DRD2: variants seen among roughly 807,000 people sequenced by gnomAD.
The protein encoded by DRD2 is dopamine receptor D2.
A neutral mutation model predicts 38.0 loss-of-function variants in DRD2; 8 were observed. That is an observed-to-expected ratio of 0.21 (90% CI 0.12 to 0.38). The LOEUF is 0.38. Ranked by LOEUF, DRD2 falls within the 10% of genes least tolerant of loss-of-function variation. The pLI is 1.00. For synonymous variants in DRD2, 230 were observed against 238.6 expected, an observed-to-expected ratio of 0.96 and a Z score of 0.33; for missense variants, 403 against 607.7, an observed-to-expected ratio of 0.66 and a Z score of 3.54.
At chr11:113,416,812 A>G in intron 4 of DRD2, 51 bp downstream of exon 4, 1 of 1,604,574 alleles carries the variant, frequency 6.2e-7, no homozygotes. Context: ...CCTTCGAGGG[A>G]GCAGGGGCCC....
intron 1 of DRD2, among the ~76,000 whole-genome samples, chr11:113,457,175 G>A (rs992079818): frequency 1.1e-4 from 17 of 152,126 alleles, no homozygotes; most frequent in South Asian, 2.1e-4. Flanking sequence ...TGACTGTGCC[G>A]CTTCCCTAGA....
chr11:113,473,127 T>G (rs1351540965), intron 1 of DRD2, among the ~76,000 whole-genome samples: 1 of 152,218 alleles, frequency 6.6e-6, no homozygotes, highest in African/African-American at 2.4e-5. Context: ...CCAAGGTACA[T>G]GATTCTTTTA....
In DRD2 at chr11:113,414,381, C is replaced by T; in HGVS notation, c.804G>A (p.Arg268=). 1 of 1,614,150 alleles carries T rather than the reference C, an allele frequency of 6.2e-7. No homozygotes were observed. The highest frequency in any genetic ancestry group is 1.3e-5 in the African/African-American group (1 of 75,044). ...CCCTGGCCTGAGCACTTACCACTCTCCGCCTGTTCACTGGGAAACTCCCAT... is the reference window on the plus strand; with the variant it reads ...CCCTGGCCTGAGCACTTACCACTCTTCGCCTGTTCACTGGGAAACTCCCAT... ...KSNGSFPVNR[R]RVEAARRAQE... The change falls in exon 6 of 8, where the codon CGG becomes CGA. Residue 268 remains arginine, a synonymous_variant. Transcript: ENST00000362072.
intron 1 of DRD2, among the ~76,000 whole-genome samples, chr11:113,448,762 G>A (rs987450112): frequency 2.6e-5 from 4 of 152,190 alleles, no homozygotes; most frequent in Non-Finnish European, 5.9e-5. Context: ...TTGGTAAGGA[G>A]CTGGGTAGCT....
At chr11:113,448,213 G>A (rs768757520) in intron 1 of DRD2, among the ~76,000 whole-genome samples, 1 of 152,152 alleles carries the variant, frequency 6.6e-6, no homozygotes, top group African/African-American at 2.4e-5. Context: ...TTCTTTTCCT[G>A]TCCTGATGAG....
At chr11:113,444,399 G>A (rs561013984) in intron 1 of DRD2, among the ~76,000 whole-genome samples, 1 of 152,304 alleles carries the variant, frequency 6.6e-6, no homozygotes, top group South Asian at 2.1e-4. Context: ...GAATGTACAT[G>A]AATGCCCTAA....
chr11:113,452,962 T>G (rs1951230976), intron 1 of DRD2, among the ~76,000 whole-genome samples: 1 of 152,102 alleles, frequency 6.6e-6, no homozygotes, highest in South Asian at 2.1e-4. Flanking sequence ...ACTATCCCTT[T>G]TTGCCTATAG....
intron 1 of DRD2, among the ~76,000 whole-genome samples, chr11:113,427,823 A>G (rs1950953786): frequency 6.6e-6 from 1 of 152,178 alleles, no homozygotes; most frequent in Admixed American, 6.5e-5. Flanking sequence ...GTACCTCAGA[A>G]TGTGACTGTA....
chr11:113,434,421 G>A (rs1951017291), intron 1 of DRD2, among the ~76,000 whole-genome samples: 1 of 152,216 alleles, frequency 6.6e-6, no homozygotes, highest in Admixed American at 6.5e-5. Context: ...GATCCTTCGT[G>A]AAGGGTACAA....
rs146981961 is a variant in DRD2 at position 113,428,004 on chromosome 11, A to T, written c.-31-3322T>A. Among the ~76,000 whole-genome samples the T allele has an allele frequency of 4.1e-3, 623 of 152,310 alleles. 2 individuals carry two copies. The highest frequency in any genetic ancestry group is 0.014 in the African/African-American group (576 of 41,564). ...GTGGGAATGCAGCAAGAAGGCGGCC[A>T]TCTGCTAGCCATGGAGAGAGGCCTT... On this transcript the variant is annotated intron_variant, in intron 1 of 7. Coordinates refer to ENST00000362072, the MANE Select transcript of DRD2 (RefSeq NM_000795.4).
intron 1 of DRD2, among the ~76,000 whole-genome samples, chr11:113,444,638 G>A (rs1951126703): frequency 6.6e-6 from 1 of 152,170 alleles, no homozygotes; most frequent in African/African-American, 2.4e-5. Context: ...CACTCCATGG[G>A]CCATCTATAA....
chr11:113,454,794 A>G (rs1364529417), intron 1 of DRD2, among the ~76,000 whole-genome samples: 1 of 152,250 alleles, frequency 6.6e-6, no homozygotes, highest in Non-Finnish European at 1.5e-5. Flanking sequence ...AGGAAATCCT[A>G]ATGGAATCAG....
At chr11:113,433,771 G>T (rs1425730090) in intron 1 of DRD2, among the ~76,000 whole-genome samples, 1 of 152,168 alleles carries the variant, frequency 6.6e-6, no homozygotes, top group African/African-American at 2.4e-5. Context: ...AGGGCCTTCT[G>T]TGGCCCAGCT....
intron 5 of DRD2, among the ~76,000 whole-genome samples, chr11:113,414,905 CCA>C (rs1200183317): frequency 1.3e-5 from 2 of 152,132 alleles, no homozygotes; most frequent in Non-Finnish European, 2.9e-5. Flanking sequence ...CCTTCTGTGC[CCA>C]CACACTGTCT....
chr11:113,413,536 G>C (rs1219434498), intron 6 of DRD2, among the ~76,000 whole-genome samples: 1 of 152,204 alleles, frequency 6.6e-6, no homozygotes, highest in Non-Finnish European at 1.5e-5. Flanking sequence ...CTTCTAAAGT[G>C]CAGCCTCACT....
Position 113,412,819 on chromosome 11 carries a change from C to T in DRD2, c.875G>A (p.Arg292Lys), listed in dbSNP as rs1950782730. The change falls in exon 7 of 8, where the codon AGG (arginine) becomes AAG (lysine). Residue 292 changes from arginine to lysine, a missense_variant. Arg to Lys is a conservative substitution (Grantham distance 26). Coordinates refer to ENST00000362072, the MANE Select transcript of DRD2 (RefSeq NM_000795.4). ...GGGTGGGATGGGGCTGTACCGGGTC[C>T]TCTCGGGTGGGCTGGTGCTGGAGAG... is the stretch of plus-strand genomic sequence containing the variant. ...EMLSSTSPPE[R>K]TRYSPIPPSH... is the part of the protein sequence containing the mutation. The T allele has an allele frequency of 6.2e-7, 1 of 1,613,334 alleles. No homozygotes were observed. Among genetic ancestry groups the T allele is most frequent in the African/African-American group, 1.3e-5 (1 of 74,912 alleles).
In DRD2 at chr11:113,443,521, C is replaced by T. The variant is rs567355141; in HGVS notation, c.-31-18839G>A. The stretch of plus-strand genomic sequence containing the variant: ...GTTTTGGGCAGATTGGATTAACCAT[C>T]GCTCTCCAATCACTGTTTTGGGAAA... On this transcript the variant is annotated intron_variant, in intron 1 of 7. Transcript: ENST00000362072. Among the ~76,000 whole-genome samples the T allele has an allele frequency of 3.3e-4, 50 of 152,346 alleles. No homozygotes were observed. The Middle Eastern group carries it at 0.01, about 31-fold the overall frequency.
At chr11:113,438,485 G>C (rs903715523) in intron 1 of DRD2, among the ~76,000 whole-genome samples, 1 of 152,192 alleles carries the variant, frequency 6.6e-6, no homozygotes. Flanking sequence ...ACTCAAGCTG[G>C]AATGAGGGGC....
At chr11:113,439,360 G>A (rs1033919062) in intron 1 of DRD2, among the ~76,000 whole-genome samples, 2 of 152,122 alleles carry the variant, frequency 1.3e-5, no homozygotes, top group Non-Finnish European at 1.5e-5. Context: ...TCCCTTCTTC[G>A]TGGGGTTATC....
Sources: gnomAD v4.1 joint callset for allele counts (sites outside exome capture counted in the v4.1 genomes callset) on GRCh38, gnomAD v4.1.1 for gene constraint, MANE v1.5 for transcripts, NCBI Gene and HGNC (gene_info 2026-07-23, HGNC 2026-07-21) for gene names.